The following PXDNL variants were observed in gnomAD, a reference collection of about 807,000 sequenced individuals.
The protein encoded by PXDNL is peroxidasin like.
A neutral mutation model predicts 150.8 loss-of-function variants in PXDNL; 145 were observed. The observed-to-expected ratio is 0.96, with a 90% CI of 0.84 to 1.10. The LOEUF is 1.10. PXDNL is among the 50% of genes least tolerant of loss of function. PXDNL has a pLI of 0.00. For synonymous variants in PXDNL, 757 were observed against 725.7 expected (o/e 1.04, Z -0.69); for missense variants, 2,087 against 1,873.9 (o/e 1.11, Z -2.10).
intron 20 of PXDNL, among the ~76,000 whole-genome samples, chr8:51,341,839 G>A (rs2130686760): frequency 6.6e-6 from 1 of 152,296 alleles, no homozygotes; most frequent in African/African-American, 2.4e-5. Flanking sequence ...TGTTAGTGAA[G>A]ATTATACAAC....
At chr8:51,701,925 A>G (rs1816266546) in intron 1 of PXDNL, among the ~76,000 whole-genome samples, 1 of 152,196 alleles carries the variant, frequency 6.6e-6, no homozygotes, top group Non-Finnish European at 1.5e-5. Flanking sequence ...ACCCAAGTGA[A>G]TTTTTAAACT....
At chr8:51,568,813 C>A (rs543792063) in intron 3 of PXDNL, among the ~76,000 whole-genome samples, 3 of 151,714 alleles carry the variant, frequency 2.0e-5, no homozygotes, top group South Asian at 4.2e-4. Flanking sequence ...CTTTGTATTT[C>A]AGTTTACGAG....
intron 4 of PXDNL, among the ~76,000 whole-genome samples, chr8:51,532,323 C>T (rs548876731): frequency 7.7e-6 from 1 of 129,638 alleles, no homozygotes. Flanking sequence ...CAAAAGACTT[C>T]AGTTTGCATT....
At chr8:51,381,626 ATTTATTTATTTATTT>A (rs1807546766) in intron 17 of PXDNL, among the ~76,000 whole-genome samples, 1 of 2,504 alleles carries the variant, frequency 4.0e-4, no homozygotes, top group Non-Finnish European at 0.036. Context: ...TGGTGTCTTT[ATTTATTTATTTATTT>A]ATTTATTTAT....
At chr8:51,727,674 C>T (rs772542250) in intron 1 of PXDNL, among the ~76,000 whole-genome samples, 1 of 152,152 alleles carries the variant, frequency 6.6e-6, no homozygotes, top group Non-Finnish European at 1.5e-5. Flanking sequence ...GGAAGAAACA[C>T]CTAGACTCAG....
chr8:51,636,035 G>A (rs575908687), intron 2 of PXDNL, among the ~76,000 whole-genome samples: 1 of 152,130 alleles, frequency 6.6e-6, no homozygotes, highest in African/African-American at 2.4e-5. Context: ...AAGAATGCAA[G>A]GATAGTTTAA....
intron 8 of PXDNL, among the ~76,000 whole-genome samples, chr8:51,468,314 T>G (rs1269237531): frequency 6.6e-6 from 1 of 151,996 alleles, no homozygotes; most frequent in Non-Finnish European, 1.5e-5. Flanking sequence ...AGCTATTTTG[T>G]TAGGTATATA....
intron 11 of PXDNL, 42 bp downstream of exon 11, chr8:51,448,960 G>A: frequency 1.0e-6 from 1 of 965,278 alleles, no homozygotes; most frequent in South Asian, 1.4e-5. Flanking sequence ...ACAAAAGAAG[G>A]CACTTATTTT....
chr8:51,553,639 T>C (rs1485179522), intron 4 of PXDNL, among the ~76,000 whole-genome samples: 1 of 151,838 alleles, frequency 6.6e-6, no homozygotes, highest in Non-Finnish European at 1.5e-5. Flanking sequence ...TTACAGTGAA[T>C]TGAACCGCTT....
chr8:51,679,061 A>G (rs2130843289), intron 1 of PXDNL, among the ~76,000 whole-genome samples: 1 of 152,312 alleles, frequency 6.6e-6, no homozygotes, highest in Middle Eastern at 3.4e-3. Flanking sequence ...ATATAAGCAA[A>G]TAGTCCCAAG....
chr8:51,721,430 A>G (rs1816727837), intron 1 of PXDNL, among the ~76,000 whole-genome samples: 1 of 152,170 alleles, frequency 6.6e-6, no homozygotes, highest in Admixed American at 6.5e-5. Flanking sequence ...TATGAGATCC[A>G]TAAACAATTT....
chr8:51,625,663 T>C (rs1814347900), intron 2 of PXDNL, among the ~76,000 whole-genome samples: 1 of 152,146 alleles, frequency 6.6e-6, no homozygotes, highest in African/African-American at 2.4e-5. Flanking sequence ...CTGGAATTGC[T>C]TAAAGGAAAA....
intron 20 of PXDNL, among the ~76,000 whole-genome samples, chr8:51,344,818 C>T (rs1049105186): frequency 6.6e-6 from 1 of 152,096 alleles, no homozygotes; most frequent in African/African-American, 2.4e-5. Context: ...GTATTACATG[C>T]CCATTTTACA....
chr8:51,722,829 T>A (rs1816755629), intron 1 of PXDNL, among the ~76,000 whole-genome samples: 3 of 149,790 alleles, frequency 2.0e-5, no homozygotes, highest in South Asian at 4.2e-4. Flanking sequence ...AAAGGCAGTA[T>A]TTTTTTTTCT....
intron 1 of PXDNL, among the ~76,000 whole-genome samples, chr8:51,726,262 G>A (rs753025324): frequency 2.3e-4 from 35 of 152,220 alleles, no homozygotes; most frequent in African/African-American, 6.8e-4. Flanking sequence ...CAGGTAGAGC[G>A]AAGAGCTCTC....
At chr8:51,486,886 C>T (rs1308890841) in intron 5 of PXDNL, among the ~76,000 whole-genome samples, 4 of 142,058 alleles carry the variant, frequency 2.8e-5, no homozygotes, top group South Asian at 2.3e-4. Flanking sequence ...CTGAAACCTC[C>T]GCCTCCTGGG....
chr8:51,477,386 A>C (rs1810503901), intron 6 of PXDNL, among the ~76,000 whole-genome samples: 1 of 152,226 alleles, frequency 6.6e-6, no homozygotes, highest in East Asian at 1.9e-4. Context: ...CCATGGCTAA[A>C]GTAGGGAATT....
At chr8:51,730,886 A>T (rs1211734806) in intron 1 of PXDNL, among the ~76,000 whole-genome samples, 1 of 152,170 alleles carries the variant, frequency 6.6e-6, no homozygotes, top group African/African-American at 2.4e-5. Context: ...CTATCACAAG[A>T]ACAGCACAAG....
chr8:51,747,548 C>T (rs988285805), intron 1 of PXDNL, among the ~76,000 whole-genome samples: 1 of 152,176 alleles, frequency 6.6e-6, no homozygotes, highest in African/African-American at 2.4e-5. Flanking sequence ...AACTCATTTT[C>T]CCCTGGAATG....
Sources: allele counts gnomAD v4.1 joint callset (sites outside exome capture counted in the v4.1 genomes callset), GRCh38; gene constraint gnomAD v4.1.1; transcripts MANE v1.5; gene names NCBI Gene and HGNC (gene_info 2026-07-23, HGNC 2026-07-21).